PCDHGA8: variants seen among roughly 807,000 people sequenced by gnomAD.
PCDHGA8 encodes the protein protocadherin gamma subfamily A, 8.
PCDHGA8 carries 45 observed loss-of-function variants against 59.2 expected under a neutral mutation model. That is an observed-to-expected ratio of 0.76 (90% CI 0.60 to 0.98). The LOEUF is 0.98. Ranked by LOEUF, PCDHGA8 falls within the 50% of genes least tolerant of loss-of-function variation. PCDHGA8 has a pLI of 0.00. For synonymous variants in PCDHGA8, 531 were observed against 519.0 expected (o/e 1.02, Z -0.32); for missense variants, 1,257 against 1,196.2 (o/e 1.05, Z -0.75).
rs756549446 is a variant in PCDHGA8 at position 141,477,301 on chromosome 5, C to G, written c.2425-17506C>G. 32 of 1,614,042 alleles carry G rather than the reference C, an allele frequency of 2.0e-5. 2 individuals carry two copies. In the South Asian group the frequency reaches 3.4e-4, roughly 17 times the overall value. On this transcript the variant is annotated intron_variant, in intron 1 of 3. Coordinates refer to ENST00000398604, the MANE Select transcript of PCDHGA8 (RefSeq NM_032088.2). The surrounding 1 kb of genome is among the most constrained non-coding windows in gnomAD (Gnocchi z 4.9). The stretch of plus-strand genomic sequence containing the variant: ...TGACCTGCGAAGTTCCACCGGGTCT[C>G]CCTTTCAGCCTTACTTCTTCCCTCA...
intron 1 of PCDHGA8, chr5:141,415,152 C>T (rs758450562): frequency 6.2e-7 from 1 of 1,613,812 alleles, no homozygotes; most frequent in Admixed American, 1.7e-5. Context: ...CCCCTCTCTC[C>T]GCCACTGTCA....
intron 2 of PCDHGA8, among the ~76,000 whole-genome samples, chr5:141,498,404 C>T (rs1283586713): frequency 6.6e-6 from 1 of 152,104 alleles, no homozygotes; most frequent in African/African-American, 2.4e-5. Context: ...AGGGAGTTTT[C>T]TCTTTGCTGG....
Position 141,392,891 on chromosome 5 carries a change from C to G in PCDHGA8, c.78C>G (p.Ile26Met). 6.2e-7 allele frequency: 1 copy of G among 1,613,594 alleles called. No individual in the cohort carries two copies. The highest frequency in any genetic ancestry group is 8.5e-7 in the Non-Finnish European group (1 of 1,179,842). The change falls in exon 1 of 4, where the codon ATC becomes ATG. Residue 26 changes from isoleucine (I) to methionine (M), a missense_variant. Physicochemically the swap from Ile to Met is conservative, Grantham distance 10. Transcript: ENST00000398604. ...CGCTGCTGGGAACGCTGTGGGAAAT[C>G]GGGAGGGGACAGATTCGCTACTCTG... ...LCALLGTLWEIGRGQIRYSVP... is the reference protein window; with the variant it reads ...LCALLGTLWEMGRGQIRYSVP...
At chr5:141,428,320 T>G in intron 1 of PCDHGA8, 2 of 650,176 alleles carry the variant, frequency 3.1e-6, no homozygotes, top group Non-Finnish European at 5.5e-6. Context: ...GGCCTTGGCC[T>G]TGATTTCTAT....
At position 141,395,080 on chromosome 5, in the gene PCDHGA8, A is replaced by G; in HGVS notation, c.2267A>G (p.Glu756Gly). 1 of 1,614,088 alleles carries G rather than the reference A, an allele frequency of 6.2e-7. No individual in the cohort carries two copies. The highest frequency in any genetic ancestry group is 8.5e-7 in the Non-Finnish European group (1 of 1,180,024). The change falls in exon 1 of 4, where the codon GAA (glutamate) becomes GGA (glycine). Residue 756 changes from glutamate (E) to glycine (G), a missense_variant. By Grantham distance (98) the Glu-to-Gly change is moderately conservative (BLOSUM62 -2). Coordinates refer to ENST00000398604, the MANE Select transcript of PCDHGA8 (RefSeq NM_032088.2). Reference protein sequence around the residue: ...VQAFLQTYSQEVSLTADSRKS... With the variant: ...VQAFLQTYSQGVSLTADSRKS... ...GCTTTCCTGCAGACCTATTCCCAGG[A>G]AGTCTCCCTCACCGCCGACTCGCGG...
intron 1 of PCDHGA8, among the ~76,000 whole-genome samples, chr5:141,438,397 C>A (rs950830331): frequency 6.6e-6 from 1 of 151,624 alleles, no homozygotes. Context: ...TCATCATTAA[C>A]TCTCTGAAGT....
At position 141,432,881 on chromosome 5, in the gene PCDHGA8, G is replaced by A; in HGVS notation, c.2424+37644G>A. On this transcript the variant is annotated intron_variant, in intron 1 of 3. Coordinates refer to ENST00000398604, the MANE Select transcript of PCDHGA8 (RefSeq NM_032088.2). This position sits in a 1 kb window ranked among gnomAD's most constrained non-coding sequence, Gnocchi z 6.0. ...GGTCTCCTGCGTCTTCCTGGCCTTC[G>A]TCATCTTGCTGCTGGCGCTCAGGCT... 6.2e-7 allele frequency: 1 copy of A among 1,614,170 alleles called. No homozygotes were observed. The highest frequency in any genetic ancestry group is 1.1e-5 in the South Asian group (1 of 91,088).
At chr5:141,461,602 A>G (rs971808608) in intron 1 of PCDHGA8, among the ~76,000 whole-genome samples, 2 of 152,172 alleles carry the variant, frequency 1.3e-5, no homozygotes, top group African/African-American at 4.8e-5. Flanking sequence ...ATTATAATTT[A>G]GTTCAAAGTA....
At chr5:141,447,725 C>G (rs1009407606) in intron 1 of PCDHGA8, among the ~76,000 whole-genome samples, 4 of 152,174 alleles carry the variant, frequency 2.6e-5, no homozygotes, top group African/African-American at 9.7e-5. Context: ...TTTTCCAAAA[C>G]TCATTGAACT....
chr5:141,420,308 T>C (rs1486910909), intron 1 of PCDHGA8: 3 of 1,457,838 alleles, frequency 2.1e-6, no homozygotes, highest in Non-Finnish European at 9.2e-7. Context: ...ATCCTTTTTA[T>C]ATTACAATAT....
intron 1 of PCDHGA8, among the ~76,000 whole-genome samples, chr5:141,459,111 A>G (rs2098961190): frequency 1.3e-5 from 2 of 152,218 alleles, no homozygotes; most frequent in Non-Finnish European, 2.9e-5. Flanking sequence ...CATTTTGACA[A>G]TTGTTTACAT....
At position 141,405,211 on chromosome 5, in the gene PCDHGA8, T is replaced by G. The variant is rs756004707; in HGVS notation, c.2424+9974T>G. On this transcript the variant is annotated intron_variant, in intron 1 of 3. Coordinates refer to ENST00000398604, the MANE Select transcript of PCDHGA8 (RefSeq NM_032088.2). ...GGGTTCGAGCTTTCCTACAGACCTA[T>G]TCTCAGGAGTTCTCCCTCACCGCTG... The G allele has an allele frequency of 7.4e-6, 12 of 1,613,432 alleles. No homozygotes were observed. In the South Asian group the frequency reaches 1.2e-4, roughly 16 times the overall value.
At position 141,511,520 on chromosome 5, in the gene PCDHGA8, A is replaced by C; in HGVS notation, c.*347A>C. On this transcript the variant is annotated 3_prime_UTR_variant, in exon 4 of 4. Coordinates refer to ENST00000398604, the MANE Select transcript of PCDHGA8 (RefSeq NM_032088.2). Reference sequence around the variant, plus strand: ...CAAATCAATCAGGCCCATCCATCCCATGCCTCCCTCCTCCCCACCCCACTC... The same window carrying C: ...CAAATCAATCAGGCCCATCCATCCCCTGCCTCCCTCCTCCCCACCCCACTC... The C allele has an allele frequency of 2.8e-6, 1 of 358,498 alleles. No homozygotes were observed. Among genetic ancestry groups the C allele is most frequent in the Non-Finnish European group, 5.3e-6 (1 of 189,848 alleles). 22.2% of individuals were successfully genotyped at this position (358,498 alleles called of 1,614,324 possible).
chr5:141,487,312 TAA>T lies in PCDHGA8; in HGVS notation c.2425-7494_2425-7493del, dbSNP rs1464336630. ...TTGGCTCATTCGTGGCACTACTCTC[TAA>T]GTGTCTTCGTGGGGCAGCCTGTGGA... On this transcript the variant is annotated intron_variant, in intron 1 of 3. Transcript: ENST00000398604. The surrounding 1 kb of genome is among the most constrained non-coding windows in gnomAD (Gnocchi z 5.0). 1 of 1,614,158 alleles carries T rather than the reference TAA, an allele frequency of 6.2e-7. No homozygotes were observed. Among genetic ancestry groups the T allele is most frequent in the African/African-American group, 1.3e-5 (1 of 75,056 alleles).
chr5:141,443,781 CA>C (rs1227271563), intron 1 of PCDHGA8, among the ~76,000 whole-genome samples: 2 of 150,514 alleles, frequency 1.3e-5, no homozygotes, highest in African/African-American at 2.4e-5. Flanking sequence ...ACCAAAAAGA[CA>C]AAAAAAATGA....
intron 1 of PCDHGA8, chr5:141,418,077 T>C (rs770464447): frequency 6.8e-6 from 11 of 1,613,914 alleles, no homozygotes; most frequent in Non-Finnish European, 8.5e-6. Flanking sequence ...GCGGAGAAGC[T>C]GCACTTCAGC....
At position 141,477,879 on chromosome 5, in the gene PCDHGA8, A is replaced by T. The variant is rs932363258; in HGVS notation, c.2425-16928A>T. The T allele has an allele frequency of 3.4e-5, 55 of 1,614,060 alleles. No homozygotes were observed. The highest frequency in any genetic ancestry group is 4.6e-5 in the Non-Finnish European group (54 of 1,180,034). ...CTGCCTCGAGGTACCTCAGCTGGCCACCTAGTGTCACGGGTGGTAGGCTGG... is the reference window on the plus strand; with the variant it reads ...CTGCCTCGAGGTACCTCAGCTGGCCTCCTAGTGTCACGGGTGGTAGGCTGG... On this transcript the variant is annotated intron_variant, in intron 1 of 3. Coordinates refer to ENST00000398604, the MANE Select transcript of PCDHGA8 (RefSeq NM_032088.2). This position sits in a 1 kb window ranked among gnomAD's most constrained non-coding sequence, Gnocchi z 4.9.
intron 1 of PCDHGA8, chr5:141,417,252 G>C (rs2096099745): frequency 6.6e-6 from 1 of 152,148 alleles, no homozygotes; most frequent in Admixed American, 6.5e-5. Context: ...AGTACTTCCA[G>C]CTTCATAGAT....
intron 1 of PCDHGA8, among the ~76,000 whole-genome samples, chr5:141,400,876 T>G (rs1304937244): frequency 6.6e-6 from 1 of 152,230 alleles, no homozygotes; most frequent in East Asian, 1.9e-4. Flanking sequence ...ACCATTAAAT[T>G]TAATGTATGT....
Sources: allele counts gnomAD v4.1 joint callset (sites outside exome capture counted in the v4.1 genomes callset), GRCh38; gene constraint gnomAD v4.1.1; non-coding constraint Gnocchi (gnomAD v3.1); transcripts MANE v1.5; gene names NCBI Gene and HGNC (gene_info 2026-07-23, HGNC 2026-07-21).